CRPPA: variants seen among roughly 807,000 people sequenced by gnomAD.
The protein encoded by CRPPA is D-ribitol-5-phosphate cytidylyltransferase.
Under a neutral mutation model 52.0 loss-of-function variants are expected in CRPPA, and 43 were observed. That is an observed-to-expected ratio of 0.83 (90% confidence interval 0.65 to 1.07). CRPPA has a LOEUF of 1.07. Ranked by LOEUF, CRPPA falls within the 50% of genes least tolerant of loss-of-function variation. The probability of loss-of-function intolerance (pLI) is 0.00; values close to 1 mark genes in which losing one functional copy is unlikely to be tolerated. For missense variants in CRPPA, 629 were observed against 551.7 expected, an observed-to-expected ratio of 1.14 and a Z score of -1.40; for synonymous variants, 250 against 203.5, an observed-to-expected ratio of 1.23 and a Z score of -1.94.
chr7:16,173,282 G>A (rs910237843), intron 9 of CRPPA, among the ~76,000 whole-genome samples: 1 of 152,050 alleles, frequency 6.6e-6, no homozygotes, highest in African/African-American at 2.4e-5. Context: ...TATGCTAATT[G>A]GTATTCTGGA....
intron 2 of CRPPA, among the ~76,000 whole-genome samples, chr7:16,400,617 G>A (rs528332253): frequency 2.2e-4 from 33 of 152,252 alleles, no homozygotes; most frequent in Non-Finnish European, 2.8e-4. Flanking sequence ...CAACACAACC[G>A]ACATGATGTG....
Position 16,195,446 on chromosome 7 carries a change from T to C in CRPPA, c.1251+20620A>G, listed in dbSNP as rs1781709721. Among the ~76,000 whole-genome samples the C allele has an allele frequency of 2.0e-5, 3 of 152,122 alleles. No individual in the cohort carries two copies. In the South Asian group the frequency reaches 6.2e-4, roughly 32 times the overall value. ...AGGAAACAATCTATCTGTAACTTAA[T>C]GATACTGCAGCCAATATTAGATCTA... On this transcript the variant is annotated intron_variant, in intron 9 of 9. Coordinates refer to ENST00000407010, the MANE Select transcript of CRPPA (RefSeq NM_001101426.4).
chr7:16,342,734 C>G (rs1450374383), intron 3 of CRPPA, among the ~76,000 whole-genome samples: 1 of 116,770 alleles, frequency 8.6e-6, no homozygotes, highest in African/African-American at 3.4e-5. Context: ...TCAAGAGCAG[C>G]CTGGGCAACA....
intron 5 of CRPPA, among the ~76,000 whole-genome samples, chr7:16,290,196 A>G (rs1185833041): frequency 6.6e-6 from 1 of 152,104 alleles, no homozygotes; most frequent in African/African-American, 2.4e-5. Context: ...GAATCAAAAG[A>G]ATATTGTTAA....
intron 8 of CRPPA, among the ~76,000 whole-genome samples, chr7:16,246,388 G>C (rs1044824328): frequency 7.9e-5 from 12 of 152,130 alleles, no homozygotes; most frequent in African/African-American, 2.9e-4. Flanking sequence ...CCCTGTTGAA[G>C]TCACATCGCT....
intron 3 of CRPPA, among the ~76,000 whole-genome samples, chr7:16,361,886 G>A (rs562352590): frequency 6.6e-6 from 1 of 151,912 alleles, no homozygotes; most frequent in East Asian, 1.9e-4. Flanking sequence ...ACAGAGTCTC[G>A]CTCTATCGCC....
At chr7:16,359,871 G>T (rs1252178734) in intron 3 of CRPPA, among the ~76,000 whole-genome samples, 4 of 152,096 alleles carry the variant, frequency 2.6e-5, no homozygotes, top group Non-Finnish European at 5.9e-5. Context: ...TAACCTCTCA[G>T]ACTAAAGCCT....
At chr7:16,156,620 T>A (rs1390951305) in intron 9 of CRPPA, among the ~76,000 whole-genome samples, 1 of 152,180 alleles carries the variant, frequency 6.6e-6, no homozygotes, top group African/African-American at 2.4e-5. Context: ...AACAAATTTG[T>A]AAAATAATAG....
chr7:16,217,301 C>T (rs1480861277), intron 8 of CRPPA, among the ~76,000 whole-genome samples: 2 of 151,980 alleles, frequency 1.3e-5, no homozygotes, highest in East Asian at 3.9e-4. Context: ...ACATCACCAT[C>T]ATCAAACACC....
At chr7:16,243,567 G>A (rs1783184676) in intron 8 of CRPPA, among the ~76,000 whole-genome samples, 1 of 152,030 alleles carries the variant, frequency 6.6e-6, no homozygotes, top group Non-Finnish European at 1.5e-5. Context: ...AAAAATAAAG[G>A]AGAATAATGA....
At chr7:16,267,886 T>G (rs1046219113) in intron 6 of CRPPA, among the ~76,000 whole-genome samples, 1 of 152,076 alleles carries the variant, frequency 6.6e-6, no homozygotes, top group Non-Finnish European at 1.5e-5. Context: ...TATATAGCAT[T>G]TATATTGTAT....
chr7:16,333,877 A>G (rs1157105883), intron 3 of CRPPA, among the ~76,000 whole-genome samples: 2 of 152,182 alleles, frequency 1.3e-5, no homozygotes, highest in Non-Finnish European at 2.9e-5. Flanking sequence ...GTCTTTGACT[A>G]TACTACCACT....
At chr7:16,303,191 T>C (rs1784826335) in intron 4 of CRPPA, among the ~76,000 whole-genome samples, 1 of 152,156 alleles carries the variant, frequency 6.6e-6, no homozygotes, top group South Asian at 2.1e-4. Context: ...AACAACTTTT[T>C]ATCTGTGTTA....
chr7:16,108,336 A>G (rs891350585), intron 9 of CRPPA, among the ~76,000 whole-genome samples: 1 of 151,990 alleles, frequency 6.6e-6, no homozygotes, highest in African/African-American at 2.4e-5. Context: ...TACTTAGACA[A>G]AATAGACTTT....
Position 16,404,981 on chromosome 7 carries a change from A to G in CRPPA, c.534+1080T>C, listed in dbSNP as rs569547358. On this transcript the variant is annotated intron_variant, in intron 2 of 9. Transcript: ENST00000407010. ...CTATGAAATTCTTACACAGTTTTAA[A>G]TTTAAAGTGAAATTCATGTTGCAGA... Among the ~76,000 whole-genome samples the G allele has an allele frequency of 2.0e-5, 3 of 152,324 alleles. No individual in the cohort carries two copies. In the South Asian group the frequency reaches 6.2e-4, roughly 32 times the overall value.
chr7:16,343,358 T>G (rs563441009), intron 3 of CRPPA, among the ~76,000 whole-genome samples: 20 of 152,220 alleles, frequency 1.3e-4, no homozygotes, highest in Middle Eastern at 3.4e-3. Flanking sequence ...CCAACTCTTC[T>G]GAATCTGAAG....
chr7:16,281,205 G>C (rs568002878), intron 5 of CRPPA, among the ~76,000 whole-genome samples: 1 of 152,106 alleles, frequency 6.6e-6, no homozygotes, highest in Non-Finnish European at 1.5e-5. Context: ...AAATGAACAT[G>C]ATTTGTCCCC....
intron 2 of CRPPA, among the ~76,000 whole-genome samples, chr7:16,392,723 T>C (rs1023251447): frequency 6.6e-6 from 1 of 152,168 alleles, no homozygotes; most frequent in Non-Finnish European, 1.5e-5. Context: ...AACTTCCTAA[T>C]AGTTTCTCAA....
intron 3 of CRPPA, among the ~76,000 whole-genome samples, chr7:16,331,243 C>T (rs1785546165): frequency 6.6e-6 from 1 of 152,134 alleles, no homozygotes; most frequent in Non-Finnish European, 1.5e-5. Context: ...TCGTGATCCG[C>T]CTGCCTCGGC....
Sources: gnomAD v4.1 joint callset for allele counts (sites outside exome capture counted in the v4.1 genomes callset) on GRCh38, gnomAD v4.1.1 for gene constraint, MANE v1.5 for transcripts, NCBI Gene and HGNC (gene_info 2026-07-23, HGNC 2026-07-21) for gene names.